The following UGT1A8 variants were observed in gnomAD, a reference collection of about 807,000 sequenced individuals.
The protein encoded by UGT1A8 is UDP-glucuronosyltransferase 1A8.
Under a neutral mutation model 45.3 loss-of-function variants are expected in UGT1A8, and 39 were observed. That is an observed-to-expected ratio of 0.86 (90% CI 0.67 to 1.12). UGT1A8 has a LOEUF of 1.12. Among genes scored for constraint, UGT1A8 ranks in the 50% most tolerant of loss-of-function variants. UGT1A8 has a pLI of 0.00. For missense variants in UGT1A8, 719 were observed against 664.9 expected (o/e 1.08, Z -0.90); for synonymous variants, 275 against 249.2 (o/e 1.10, Z -0.97).
intron 1 of UGT1A8, among the ~76,000 whole-genome samples, chr2:233,710,236 G>A (rs1321260776): frequency 1.3e-5 from 2 of 152,146 alleles, no homozygotes; most frequent in African/African-American, 2.4e-5. Context: ...ATGACTATTC[G>A]AGTACGAGTG....
chr2:233,773,091 G>A lies in UGT1A8; in HGVS notation c.*532G>A, dbSNP rs1278315823. 2 of 162,100 alleles carry A rather than the reference G, an allele frequency of 1.2e-5. No homozygotes were observed. The highest frequency in any genetic ancestry group is 4.8e-5 in the African/African-American group (2 of 41,532). The allele number at this position is 162,100 out of a possible 1,614,324, so 10.0% of individuals were successfully genotyped here. ...ATGAATGAATGGCTTGGAGTGCACT[G>A]AGAACAGCATATGATTTCTTGCTTT... On this transcript the variant is annotated 3_prime_UTR_variant, in exon 5 of 5. Transcript: ENST00000373450.
chr2:233,676,461 C>T (rs1329467073), intron 1 of UGT1A8, among the ~76,000 whole-genome samples: 1 of 152,204 alleles, frequency 6.6e-6, no homozygotes, highest in Non-Finnish European at 1.5e-5. Flanking sequence ...TCCATCACAA[C>T]TCATTCACCA....
chr2:233,648,890 T>C lies in UGT1A8; in HGVS notation c.855+30328T>C, dbSNP rs184840282. ...TCTGAAATTCTCCAAACACCTGTCATGGCATATGATCTCTACAGCCACACA... is the reference window on the plus strand; with the variant it reads ...TCTGAAATTCTCCAAACACCTGTCACGGCATATGATCTCTACAGCCACACA... On this transcript the variant is annotated intron_variant, in intron 1 of 4. Transcript: ENST00000373450. The C allele has an allele frequency of 5.2e-3, 6,847 of 1,307,478 alleles. 95 individuals are homozygous for C. The highest frequency in any genetic ancestry group is 6.8e-3 in the Non-Finnish European group (6,300 of 921,502). The allele number at this position is 1,307,478 out of a possible 1,614,324, so 81.0% of individuals were successfully genotyped here.
intron 1 of UGT1A8, chr2:233,719,387 T>C (rs770901552): frequency 8.1e-6 from 13 of 1,613,966 alleles, no homozygotes; most frequent in African/African-American, 1.3e-5. Flanking sequence ...AGTGTCCAAA[T>C]CCTTCCTCCT....
chr2:233,703,805 ATC>A (rs199842115), intron 1 of UGT1A8, among the ~76,000 whole-genome samples: 4 of 137,188 alleles, frequency 2.9e-5, no homozygotes, highest in East Asian at 1.9e-4. Context: ...CAGTCTGATA[ATC>A]TCTGTCTTTT....
At chr2:233,627,623 T>TCC (rs1257621454) in intron 1 of UGT1A8, among the ~76,000 whole-genome samples, 23 of 146,444 alleles carry the variant, frequency 1.6e-4, no homozygotes, top group East Asian at 6.1e-4. Flanking sequence ...CTTCCTTCCT[T>TCC]TCTTCCTTCC....
intron 1 of UGT1A8, among the ~76,000 whole-genome samples, chr2:233,647,334 A>C (rs537305829): frequency 1.3e-5 from 2 of 152,154 alleles, no homozygotes; most frequent in Admixed American, 1.3e-4. Flanking sequence ...GGTCATGAGG[A>C]TCTGTAGTTT....
intron 1 of UGT1A8, among the ~76,000 whole-genome samples, chr2:233,716,819 C>T (rs1378965211): frequency 6.6e-6 from 1 of 152,146 alleles, no homozygotes. Context: ...GCTGGGGTGA[C>T]CTCACTGACA....
chr2:233,668,447 G>A (rs2074120971), intron 1 of UGT1A8, among the ~76,000 whole-genome samples: 1 of 152,164 alleles, frequency 6.6e-6, no homozygotes, highest in Non-Finnish European at 1.5e-5. Flanking sequence ...TCTTAATCCA[G>A]TCTACCACTG....
At chr2:233,703,807 CTCTG>C (rs34781889) in intron 1 of UGT1A8, among the ~76,000 whole-genome samples, 44,412 of 151,762 alleles carry the variant, frequency 0.29, 6,672 homozygotes, top group South Asian at 0.36. Flanking sequence ...GTCTGATAAT[CTCTG>C]TCTTTTAATT....
chr2:233,672,540 T>A, intron 1 of UGT1A8: 1 of 1,613,952 alleles, frequency 6.2e-7, no homozygotes, highest in Non-Finnish European at 8.5e-7. Context: ...ATGCCATGAC[T>A]TTCAAGGAGA....
chr2:233,644,762 G>C lies in UGT1A8; in HGVS notation c.855+26200G>C, dbSNP rs560588403. Among the ~76,000 whole-genome samples, 6 of 152,134 alleles carry C rather than the reference G, an allele frequency of 3.9e-5. No individual in the cohort carries two copies. In the South Asian group the frequency reaches 8.3e-4, roughly 21 times the overall value. On this transcript the variant is annotated intron_variant, in intron 1 of 4. Coordinates refer to ENST00000373450, the MANE Select transcript of UGT1A8 (RefSeq NM_019076.5). ...GTTCAGGGGGTTGGGTGACATAGGA[G>C]ATGCAGAACTTTTTTTTTTCTATTT...
At chr2:233,634,082 T>G (rs1241433055) in intron 1 of UGT1A8, among the ~76,000 whole-genome samples, 1 of 152,118 alleles carries the variant, frequency 6.6e-6, no homozygotes, top group African/African-American at 2.4e-5. Flanking sequence ...TAGTAATGCA[T>G]GAGCAGGTTG....
chr2:233,709,011 A>G (rs1288897018), intron 1 of UGT1A8, among the ~76,000 whole-genome samples: 1 of 152,062 alleles, frequency 6.6e-6, no homozygotes, highest in East Asian at 1.9e-4. Context: ...GTGTCATAAT[A>G]CCCAAGCAGC....
intron 1 of UGT1A8, among the ~76,000 whole-genome samples, chr2:233,697,628 C>T (rs1228817319): frequency 2.0e-5 from 3 of 150,138 alleles, no homozygotes; most frequent in Non-Finnish European, 4.4e-5. Context: ...GTTTGGTTTA[C>T]TTTTGCTTTT....
At position 233,635,816 on chromosome 2, in the gene UGT1A8, C is replaced by T. The variant is rs192998241; in HGVS notation, c.855+17254C>T. Among the ~76,000 whole-genome samples, 75 of 150,954 alleles carry T rather than the reference C, an allele frequency of 5.0e-4. 6 individuals are homozygous for T. Among genetic ancestry groups the T allele is most frequent in the African/African-American group, 1.8e-3 (72 of 40,882 alleles). On this transcript the variant is annotated intron_variant, in intron 1 of 4. Transcript: ENST00000373450. Reference sequence around the variant, plus strand: ...CAGAGAGGCAGCCCAGCAGAGTGTTCGCACAAGGACTGGGCCAGCAACTCC... The same window carrying T: ...CAGAGAGGCAGCCCAGCAGAGTGTTTGCACAAGGACTGGGCCAGCAACTCC...
At chr2:233,761,227 G>GAT in intron 1 of UGT1A8, 1 of 1,613,278 alleles carries the variant, frequency 6.2e-7, no homozygotes, top group Non-Finnish European at 8.5e-7. Flanking sequence ...ACTAGCCCCA[G>GAT]ATATATGCTG....
At chr2:233,747,834 C>A (rs367969485) in intron 1 of UGT1A8, 5 of 1,613,520 alleles carry the variant, frequency 3.1e-6, no homozygotes, top group South Asian at 1.1e-5. Context: ...CATGACATTC[C>A]TGCAAAGGGT....
intron 1 of UGT1A8, among the ~76,000 whole-genome samples, chr2:233,631,073 C>T (rs1198257010): frequency 1.3e-5 from 2 of 151,318 alleles, no homozygotes; most frequent in African/African-American, 4.8e-5. Context: ...CTTGCAACTC[C>T]AACTCCAACA....
Sources: allele counts gnomAD v4.1 joint callset (sites outside exome capture counted in the v4.1 genomes callset), GRCh38; gene constraint gnomAD v4.1.1; transcripts MANE v1.5; gene names NCBI Gene and HGNC (gene_info 2026-07-23, HGNC 2026-07-21).